Variants in P2RX7 observed in about 807,000 individuals in gnomAD.
P2RX7 encodes purinergic receptor P2X 7, also known as P2X purinoceptor 7.
In P2RX7, 62 loss-of-function variants were observed where a neutral mutation model predicts 71.6. The ratio of observed to expected loss-of-function variants is 0.87; its 90% CI spans 0.71 to 1.07. The LOEUF (loss-of-function observed/expected upper bound fraction) is 1.07, where lower values mean the gene tolerates loss of function less well. Among genes scored for constraint, P2RX7 ranks in the 50% least tolerant of loss-of-function variants. The pLI is 0.00. For synonymous variants in P2RX7, 299 were observed against 283.3 expected (o/e 1.06, Z -0.56); for missense variants, 686 against 748.5 (o/e 0.92, Z 0.97).
Position 121,169,087 on chromosome 12 carries a change from T to C in P2RX7, c.881+1463T>C, listed in dbSNP as rs138557662. Among the ~76,000 whole-genome samples the C allele has an allele frequency of 3.0e-3, 452 of 152,150 alleles. 2 individuals are homozygous for C. The highest frequency in any genetic ancestry group is 0.01 in the African/African-American group (429 of 41,506). On this transcript the variant is annotated intron_variant, in intron 8 of 12. Transcript: ENST00000328963. ...CCCAAGTGATCCTCCCACCTCAGCC[T>C]CCTGAGTAGCTAGGACTACAGGTGC...
Position 121,161,415 on chromosome 12 carries a change from G to T in P2RX7, c.436+441G>T, listed in dbSNP as rs188949296. Reference sequence around the variant, plus strand: ...AACATTTTTTGCACTGTTTTATTTTGATTTTGATTTTGATTTTATTTATAT... The same window carrying T: ...AACATTTTTTGCACTGTTTTATTTTTATTTTGATTTTGATTTTATTTATAT... On this transcript the variant is annotated intron_variant, in intron 4 of 12. Transcript: ENST00000328963. Among the ~76,000 whole-genome samples the T allele has an allele frequency of 2.8e-3, 420 of 151,690 alleles. 2 individuals are homozygous for T. In the South Asian group the frequency reaches 0.028, roughly 10 times the overall value.
chr12:121,180,056 G>A (rs149362828), intron 11 of P2RX7, among the ~76,000 whole-genome samples: 1,572 of 149,662 alleles, frequency 0.011, 28 homozygotes, highest in African/African-American at 0.036. Flanking sequence ...GGCTGAGGCA[G>A]GAGAATCATT....
chr12:121,163,668 G>A (rs1443361482), intron 5 of P2RX7, among the ~76,000 whole-genome samples: 2 of 151,894 alleles, frequency 1.3e-5, no homozygotes. Flanking sequence ...ATGTTGCCCA[G>A]GCTGGTTTTG....
chr12:121,175,667 C>T (rs939682693), intron 9 of P2RX7, among the ~76,000 whole-genome samples, 189 bp downstream of exon 9: 1 of 152,068 alleles, frequency 6.6e-6, no homozygotes, highest in Non-Finnish European at 1.5e-5. Flanking sequence ...CTGACGAGTA[C>T]AGGAGTGGGC....
intron 4 of P2RX7, among the ~76,000 whole-genome samples, chr12:121,161,656 G>A (rs762535397): frequency 5.3e-5 from 8 of 151,930 alleles, no homozygotes; most frequent in African/African-American, 1.9e-4. Context: ...GCCAGACATG[G>A]TGGCACACGC....
chr12:121,174,166 G>C (rs1305399401), intron 8 of P2RX7, among the ~76,000 whole-genome samples: 1 of 148,762 alleles, frequency 6.7e-6, no homozygotes, highest in Non-Finnish European at 1.5e-5. Flanking sequence ...TCGTGCCTCA[G>C]CGTCCTGAGT....
At chr12:121,163,352 A>ACACG (rs1555226367) in intron 5 of P2RX7, among the ~76,000 whole-genome samples, 30 of 127,604 alleles carry the variant, frequency 2.4e-4, no homozygotes, top group African/African-American at 5.1e-4. Flanking sequence ...ACACACACAC[A>ACACG]CACACGCACA....
Position 121,154,841 on chromosome 12 carries a change from T to A in P2RX7, c.182T>A (p.Val61Glu). The A allele has an allele frequency of 6.2e-7, 1 of 1,614,204 alleles. No homozygotes were observed. The highest frequency in any genetic ancestry group is 8.5e-7 in the Non-Finnish European group (1 of 1,180,018). The change falls in exon 2 of 13, where the codon GTG becomes GAG. Residue 61 changes from valine to glutamate, a missense_variant. Coordinates refer to ENST00000328963, the MANE Select transcript of P2RX7 (RefSeq NM_002562.6). This position sits in a 1 kb window ranked among gnomAD's most constrained non-coding sequence, Gnocchi z 4.2. The part of the protein sequence containing the change: ...YQRKEPVISS[V>E]HTKVKGIAEV... Reference sequence around the variant, plus strand: ...CGGAAAGAGCCTGTCATCAGTTCTGTGCACACCAAGGTGAAGGGGATAGCA... The same window carrying A: ...CGGAAAGAGCCTGTCATCAGTTCTGAGCACACCAAGGTGAAGGGGATAGCA...
intron 3 of P2RX7, among the ~76,000 whole-genome samples, chr12:121,157,586 A>G (rs1284050772): frequency 6.6e-6 from 1 of 151,998 alleles, no homozygotes; most frequent in Non-Finnish European, 1.5e-5. Context: ...CTTTTGTCCC[A>G]TCCTTTGGTC....
chr12:121,166,839 C>G (rs1340887397), intron 7 of P2RX7, among the ~76,000 whole-genome samples: 1 of 148,386 alleles, frequency 6.7e-6, no homozygotes, highest in Non-Finnish European at 1.5e-5. Flanking sequence ...GTCAGGAGTT[C>G]AACACCAGCC....
intron 8 of P2RX7, among the ~76,000 whole-genome samples, chr12:121,170,747 C>T (rs1325915192): frequency 6.6e-6 from 1 of 152,106 alleles, no homozygotes; most frequent in Non-Finnish European, 1.5e-5. Context: ...TCACTCCAGC[C>T]TGGGCGACAG....
Position 121,177,403 on chromosome 12 carries a change from A to G in P2RX7, c.1145A>G (p.Tyr382Cys), listed in dbSNP as rs754406571. The G allele has an allele frequency of 6.2e-7, 1 of 1,613,854 alleles. No homozygotes were observed. Among genetic ancestry groups the G allele is most frequent in the Admixed American group, 1.7e-5 (1 of 60,012 alleles). Residue 382 changes from tyrosine (Y) to cysteine (C), a missense_variant, in exon 11 of 13, where the codon TAC becomes TGC. Physicochemically the swap from Tyr to Cys is radical, Grantham distance 194. Coordinates refer to ENST00000328963, the MANE Select transcript of P2RX7 (RefSeq NM_002562.6). ...KCCQPCVVNE[Y>C]YYRKKCESIV... ...TGTCAGCCCTGTGTGGTCAACGAAT[A>G]CTACTACAGGAAGAAGTGCGAGTCC...
Position 121,187,993 on chromosome 12 carries a change from A to C in P2RX7, c.*3191A>C, listed in dbSNP as rs1885036882. 6.6e-6 allele frequency: 1 copy of C among 152,124 alleles called. No homozygotes were observed. The highest frequency in any genetic ancestry group is 1.5e-5 in the Non-Finnish European group (1 of 68,012). 9.4% of individuals were successfully genotyped at this position (152,124 alleles called of 1,614,324 possible). Reference sequence around the variant, plus strand: ...TAGCCTGGCAATGTAAGTGTCCTTAATGTGACTGTTTTGATAATTAAAAAA... The same window carrying C: ...TAGCCTGGCAATGTAAGTGTCCTTACTGTGACTGTTTTGATAATTAAAAAA... On this transcript the variant is annotated 3_prime_UTR_variant, in exon 13 of 13. Transcript: ENST00000328963.
intron 2 of P2RX7, chr12:121,155,250 A>G: frequency 1.5e-6 from 2 of 1,355,652 alleles, no homozygotes; most frequent in Non-Finnish European, 1.9e-6. Flanking sequence ...TTAGACGCAC[A>G]GCCACCAAGC....
Position 121,186,367 on chromosome 12 carries a change from T to C in P2RX7, c.*1565T>C, listed in dbSNP as rs1229142553. On this transcript the variant is annotated 3_prime_UTR_variant, in exon 13 of 13. Coordinates refer to ENST00000328963, the MANE Select transcript of P2RX7 (RefSeq NM_002562.6). ...TAACTGGAACAGAGGGCAAGCCTGATGAATGGGCACACAGACTCAGCCCAT... is the reference window on the plus strand; with the variant it reads ...TAACTGGAACAGAGGGCAAGCCTGACGAATGGGCACACAGACTCAGCCCAT... 1 of 152,228 alleles carries C rather than the reference T, an allele frequency of 6.6e-6. No individual in the cohort carries two copies. The highest frequency in any genetic ancestry group is 1.5e-5 in the Non-Finnish European group (1 of 68,054). 9.4% of individuals were successfully genotyped at this position (152,228 alleles called of 1,614,324 possible).
In P2RX7 at chr12:121,139,358, G is replaced by C. The variant is rs140455410; in HGVS notation, c.125+6263G>C. Among the ~76,000 whole-genome samples the C allele has an allele frequency of 4.2e-3, 645 of 152,332 alleles. 4 individuals carry two copies. The highest frequency in any genetic ancestry group is 0.014 in the African/African-American group (595 of 41,584). The stretch of plus-strand genomic sequence containing the variant: ...GGATTTCCCTCTTCCCTGGAGACCA[G>C]TCCTCACAGAAGCTTTTCCAATGGC... On this transcript the variant is annotated intron_variant, in intron 1 of 12. Coordinates refer to ENST00000328963, the MANE Select transcript of P2RX7 (RefSeq NM_002562.6).
chr12:121,180,174 G>T (rs1181689615), intron 11 of P2RX7, among the ~76,000 whole-genome samples, 180 bp from the exon 12 acceptor site: 1 of 151,270 alleles, frequency 6.6e-6, no homozygotes, highest in Non-Finnish European at 1.5e-5. Context: ...AAAAGCATGG[G>T]GTTCCATTTC....
chr12:121,166,253 C>G, intron 7 of P2RX7, 66 bp downstream of exon 7: 1 of 1,549,410 alleles, frequency 6.5e-7, no homozygotes, highest in African/African-American at 1.4e-5. Flanking sequence ...GTCAAACAGC[C>G]AAGAGGCCGG....
intron 3 of P2RX7, 106 bp from the exon 4 acceptor site, chr12:121,160,796 C>A: frequency 2.1e-6 from 2 of 958,984 alleles, no homozygotes; most frequent in Non-Finnish European, 1.7e-6. Context: ...CTGAGTAGTG[C>A]TGCTATAAGC....
Sources: gnomAD v4.1 joint callset for allele counts (sites outside exome capture counted in the v4.1 genomes callset) on GRCh38, gnomAD v4.1.1 for gene constraint, Gnocchi (gnomAD v3.1) non-coding constraint, MANE v1.5 for transcripts, NCBI Gene and HGNC (gene_info 2026-07-23, HGNC 2026-07-21) for gene names.